Variants in CDC42BPA observed in about 807,000 individuals in gnomAD.
CDC42BPA encodes the protein CDC42 binding protein kinase alpha, also known as serine/threonine-protein kinase MRCK alpha.
A neutral mutation model predicts 223.5 loss-of-function variants in CDC42BPA; 80 were observed. The observed-to-expected ratio is 0.36, with a 90% CI of 0.30 to 0.43. CDC42BPA has a LOEUF of 0.43. CDC42BPA is among the 20% of genes least tolerant of loss of function. The pLI, the probability that CDC42BPA is intolerant of heterozygous loss-of-function variation, is 1.00. For missense variants in CDC42BPA, 1,743 were observed against 2,099.9 expected (o/e 0.83, Z 3.32); for synonymous variants, 694 against 718.6 (o/e 0.97, Z 0.55).
At chr1:227,141,032 G>A (rs1029488341) in intron 9 of CDC42BPA, among the ~76,000 whole-genome samples, 1 of 152,198 alleles carries the variant, frequency 6.6e-6, no homozygotes, top group Non-Finnish European at 1.5e-5. Flanking sequence ...TGCCCTAGAA[G>A]ACAGGAGAAG....
At chr1:227,314,242 T>C (rs1409018618) in intron 1 of CDC42BPA, among the ~76,000 whole-genome samples, 3 of 149,094 alleles carry the variant, frequency 2.0e-5, no homozygotes, top group African/African-American at 7.3e-5. Context: ...TTTCAACAAC[T>C]TAAAACTAAG....
chr1:227,240,942 A>C (rs1679910806), intron 2 of CDC42BPA, among the ~76,000 whole-genome samples: 1 of 152,088 alleles, frequency 6.6e-6, no homozygotes, highest in African/African-American at 2.4e-5. Context: ...TAAAAAATGA[A>C]CAAACCACAC....
chr1:227,058,089 A>C (rs922134356), intron 21 of CDC42BPA, among the ~76,000 whole-genome samples: 5 of 152,202 alleles, frequency 3.3e-5, no homozygotes, highest in African/African-American at 1.2e-4. Flanking sequence ...TCATTTGATA[A>C]ATCCAAATAT....
In CDC42BPA at chr1:227,306,845, T is replaced by C. The variant is rs114134083; in HGVS notation, c.178+10160A>G. 5.7e-3 allele frequency among the ~76,000 whole-genome samples: 868 copies of C among 152,322 alleles called. 13 individuals carry two copies. The highest frequency in any genetic ancestry group is 0.019 in the African/African-American group (797 of 41,574). ...CAAGTATTTTTTAAATCTCAGGGCA[T>C]ACCACTTCTAAGTAGATGCTTGAGT... On this transcript the variant is annotated intron_variant, in intron 1 of 36. Transcript: ENST00000366766.
In CDC42BPA at chr1:227,317,964, G is replaced by C. The variant is rs1694662688; in HGVS notation, c.-782C>G. On this transcript the variant is annotated 5_prime_UTR_variant, in exon 1 of 37. Transcript: ENST00000366766. The stretch of plus-strand genomic sequence containing the variant: ...CTAGGGCCTGACCGGCGGCGCGGCC[G>C]GGGGTGGAAGGCGGGCTGCGGGCGG... The C allele has an allele frequency of 7.6e-6, 3 of 396,132 alleles. No individual in the cohort carries two copies. The East Asian group carries it at 1.1e-4, about 14-fold the overall frequency. The allele number at this position is 396,132 out of a possible 1,614,324, so 24.5% of individuals were successfully genotyped here. A position where few individuals can be genotyped will look rare whatever the true frequency, so the allele number is the denominator to read the frequency against.
At chr1:227,065,179 C>A (rs532946844) in intron 21 of CDC42BPA, among the ~76,000 whole-genome samples, 4 of 152,214 alleles carry the variant, frequency 2.6e-5, no homozygotes, top group African/African-American at 7.2e-5. Flanking sequence ...AACAATGTAT[C>A]ACCACACTGT....
chr1:227,285,486 C>G (rs1688664485), intron 1 of CDC42BPA, among the ~76,000 whole-genome samples: 1 of 152,196 alleles, frequency 6.6e-6, no homozygotes, highest in African/African-American at 2.4e-5. Context: ...CCTGAAATAA[C>G]AGACCCAAAT....
At chr1:227,156,316 C>T (rs1662768494) in intron 6 of CDC42BPA, among the ~76,000 whole-genome samples, 1 of 151,676 alleles carries the variant, frequency 6.6e-6, no homozygotes, top group African/African-American at 2.4e-5. Flanking sequence ...CCATGCCTAA[C>T]TAATTTTTTA....
At chr1:227,172,332 G>A (rs1433568795) in intron 5 of CDC42BPA, among the ~76,000 whole-genome samples, 1 of 152,018 alleles carries the variant, frequency 6.6e-6, no homozygotes, top group East Asian at 1.9e-4. Flanking sequence ...TAAGAATTAT[G>A]GGAATAAAAA....
At chr1:227,242,531 G>A (rs999871577) in intron 2 of CDC42BPA, among the ~76,000 whole-genome samples, 1 of 151,998 alleles carries the variant, frequency 6.6e-6, no homozygotes, top group Non-Finnish European at 1.5e-5. Context: ...CAAACTAGAA[G>A]AAGTTAATAT....
At chr1:227,018,565 T>G (rs1008709745) in intron 32 of CDC42BPA, among the ~76,000 whole-genome samples, 9 of 152,154 alleles carry the variant, frequency 5.9e-5, no homozygotes, top group African/African-American at 9.7e-5. Context: ...TATAGACACA[T>G]AGTGGGTATG....
At position 226,994,070 on chromosome 1, in the gene CDC42BPA, T is replaced by G. The variant is rs1661083596; in HGVS notation, c.*198A>C. 3 of 531,424 alleles carry G rather than the reference T, an allele frequency of 5.6e-6. No individual in the cohort carries two copies. The highest frequency in any genetic ancestry group is 3.5e-5 in the Admixed American group (1 of 28,920). 32.9% of individuals were successfully genotyped at this position (531,424 alleles called of 1,614,324 possible). On this transcript the variant is annotated 3_prime_UTR_variant, in exon 37 of 37. Transcript: ENST00000366766. The surrounding 1 kb of genome is among the most constrained non-coding windows in gnomAD (Gnocchi z 4.0). ...CGTTAATCTAAGCTGCTACGGAAAG[T>G]CTGTCTTTGTTGTTGCTGTTAGGCT...
Position 226,991,142 on chromosome 1 carries a change from GA to G in CDC42BPA, c.*3125del, listed in dbSNP as rs1434829917. 1.3e-5 allele frequency: 2 copies of G among 152,612 alleles called. No individual in the cohort carries two copies. The highest frequency in any genetic ancestry group is 4.8e-5 in the African/African-American group (2 of 41,434). 9.5% of individuals were successfully genotyped at this position (152,612 alleles called of 1,614,324 possible). On this transcript the variant is annotated 3_prime_UTR_variant, in exon 37 of 37. Transcript: ENST00000366766. Reference sequence around the variant, plus strand: ...CCCAAAGCACAAACATGATTAGTCAGAATTTGAGGGTAGATAACTTGGCTGG... The same window carrying G: ...CCCAAAGCACAAACATGATTAGTCAGATTTGAGGGTAGATAACTTGGCTGG...
intron 16 of CDC42BPA, among the ~76,000 whole-genome samples, chr1:227,090,689 T>C (rs1298455126): frequency 6.6e-6 from 1 of 152,162 alleles, no homozygotes; most frequent in Non-Finnish European, 1.5e-5. Context: ...TGTGCGCCTG[T>C]AGTCCCAGCA....
intron 4 of CDC42BPA, among the ~76,000 whole-genome samples, chr1:227,197,280 T>C (rs2150189137): frequency 6.6e-6 from 1 of 152,222 alleles, no homozygotes; most frequent in East Asian, 1.9e-4. Context: ...TAATGATTTT[T>C]GCTAATATTG....
At chr1:227,267,218 T>C (rs1685157131) in intron 1 of CDC42BPA, among the ~76,000 whole-genome samples, 1 of 152,214 alleles carries the variant, frequency 6.6e-6, no homozygotes, top group Non-Finnish European at 1.5e-5. Flanking sequence ...TGTTGAATGA[T>C]AATTTATGAA....
intron 7 of CDC42BPA, among the ~76,000 whole-genome samples, chr1:227,146,873 T>C (rs7536444): frequency 0.17 from 25,878 of 152,110 alleles, 2,248 homozygotes; most frequent in Middle Eastern, 0.2. Context: ...ACAGAAAGGT[T>C]ACACCAATTT....
chr1:227,286,599 A>C (rs1688847525), intron 1 of CDC42BPA, among the ~76,000 whole-genome samples: 1 of 152,198 alleles, frequency 6.6e-6, no homozygotes, highest in Non-Finnish European at 1.5e-5. Context: ...ATCCAGTTCC[A>C]AAGCCACTTC....
At chr1:227,200,955 C>T (rs1395146628) in intron 3 of CDC42BPA, among the ~76,000 whole-genome samples, 2 of 152,066 alleles carry the variant, frequency 1.3e-5, no homozygotes, top group Non-Finnish European at 2.9e-5. Flanking sequence ...AGATAAATAG[C>T]TTTATATACA....
Sources: allele counts gnomAD v4.1 joint callset (sites outside exome capture counted in the v4.1 genomes callset), GRCh38; gene constraint gnomAD v4.1.1; non-coding constraint Gnocchi (gnomAD v3.1); transcripts MANE v1.5; gene names NCBI Gene and HGNC (gene_info 2026-07-23, HGNC 2026-07-21).